RARA: variants seen among roughly 807,000 people sequenced by gnomAD.
RARA encodes PML-DDX5-RARA fusion.
In RARA, 5 loss-of-function variants were observed where a neutral mutation model predicts 42.8. That is an observed-to-expected ratio of 0.12 (90% CI 0.06 to 0.25). The LOEUF (loss-of-function observed/expected upper bound fraction) is 0.25. Among genes scored for constraint, RARA ranks in the 10% least tolerant of loss-of-function variants. RARA has a pLI of 1.00. For missense variants in RARA, 402 were observed against 628.7 expected (o/e 0.64, Z 3.86); for synonymous variants, 256 against 259.5 (o/e 0.99, Z 0.13).
At chr17:40,309,600 C>G (rs1247977803) in intron 1 of RARA, among the ~76,000 whole-genome samples, 2 of 152,200 alleles carry the variant, frequency 1.3e-5, no homozygotes, top group Non-Finnish European at 2.9e-5. Flanking sequence ...GCCTAATACC[C>G]CTTCCCCCAC....
At position 40,354,832 on chromosome 17, in the gene RARA, C is replaced by T. The variant is rs2143533429; in HGVS notation, c.1012+326C>T. Among the ~76,000 whole-genome samples, 1 of 152,304 alleles carries T rather than the reference C, an allele frequency of 6.6e-6. No homozygotes were observed. The highest frequency in any genetic ancestry group is 2.1e-4 in the South Asian group (1 of 4,822). On this transcript the variant is annotated intron_variant, in intron 7 of 8. Transcript: ENST00000254066. The surrounding 1 kb of genome is among the most constrained non-coding windows in gnomAD (Gnocchi z 4.5). ...GTGGGGGCGGTAACGGTCTCTAGCT[C>T]ATGAAGTTGATGGGAGGATTACGGT...
chr17:40,353,693 T>C (rs1007005681), intron 6 of RARA, among the ~76,000 whole-genome samples: 2 of 152,146 alleles, frequency 1.3e-5, no homozygotes, highest in African/African-American at 4.8e-5. Flanking sequence ...TGACCTCAGG[T>C]GATCCTCCCG....
intron 2 of RARA, chr17:40,342,730 G>A (rs778093184): frequency 4.0e-5 from 64 of 1,612,498 alleles, no homozygotes; most frequent in South Asian, 2.0e-4. Flanking sequence ...GAAGTGGGGG[G>A]TCCCACCCCT....
At chr17:40,341,792 G>C in intron 2 of RARA, 1 of 1,260,420 alleles carries the variant, frequency 7.9e-7, no homozygotes, top group Non-Finnish European at 1.0e-6. Context: ...CGCTCGGCCA[G>C]GGACTGACCA....
intron 1 of RARA, chr17:40,318,146 T>C (rs1407628792): frequency 6.6e-6 from 1 of 152,210 alleles, no homozygotes; most frequent in African/African-American, 2.4e-5. Context: ...CGTGAGCCTG[T>C]AGATCCGCCC....
Position 40,320,008 on chromosome 17 carries a change from T to C in RARA, c.-363+10722T>C, listed in dbSNP as rs1026477744. On this transcript the variant is annotated intron_variant, in intron 1 of 8. Coordinates refer to ENST00000254066, the MANE Select transcript of RARA (RefSeq NM_000964.4). This position sits in a 1 kb window ranked among gnomAD's most constrained non-coding sequence, Gnocchi z 4.1. ...CAGTACTGCCTGGGAGTCTGGACCATGTGGTGTCCTGAAAGAGAGGTCAGG... is the reference window on the plus strand; with the variant it reads ...CAGTACTGCCTGGGAGTCTGGACCACGTGGTGTCCTGAAAGAGAGGTCAGG... 3.3e-5 allele frequency among the ~76,000 whole-genome samples: 5 copies of C among 152,042 alleles called. No individual in the cohort carries two copies. The highest frequency in any genetic ancestry group is 4.8e-5 in the African/African-American group (2 of 41,384).
chr17:40,348,577 T>C, intron 3 of RARA, 113 bp downstream of exon 3: 1 of 1,364,338 alleles, frequency 7.3e-7, no homozygotes. Flanking sequence ...GCTGCTCTTC[T>C]TTCTCTGTGG....
At chr17:40,316,579 G>A (rs1439056517) in intron 1 of RARA, among the ~76,000 whole-genome samples, 2 of 152,224 alleles carry the variant, frequency 1.3e-5, no homozygotes, top group African/African-American at 4.8e-5. Context: ...AGACAGGTAG[G>A]ATCTAGGTTG....
At position 40,354,246 on chromosome 17, in the gene RARA, A is replaced by C. The variant is rs768091979; in HGVS notation, c.808-56A>C. The C allele has an allele frequency of 3.5e-4, 538 of 1,550,626 alleles. No homozygotes were observed. Among genetic ancestry groups the C allele is most frequent in the Non-Finnish European group, 4.4e-4 (499 of 1,129,384 alleles). On this transcript the variant is annotated intron_variant, in intron 6 of 8. Transcript: ENST00000254066. The surrounding 1 kb of genome is among the most constrained non-coding windows in gnomAD (Gnocchi z 4.5). Reference sequence around the variant, plus strand: ...GTGCTGGTGCGGAGTGCTGGTGCCGAGTGCTCAGAGTGGGTTCGGGTTCAG... The same window carrying C: ...GTGCTGGTGCGGAGTGCTGGTGCCGCGTGCTCAGAGTGGGTTCGGGTTCAG...
intron 2 of RARA, among the ~76,000 whole-genome samples, chr17:40,346,480 C>G (rs2034269339): frequency 6.6e-6 from 1 of 151,578 alleles, no homozygotes; most frequent in South Asian, 2.1e-4. Context: ...CATGGTCCCC[C>G]CAACCCTCCA....
At chr17:40,350,951 G>T (rs560759511) in intron 4 of RARA, among the ~76,000 whole-genome samples, 5 of 151,946 alleles carry the variant, frequency 3.3e-5, no homozygotes, top group Non-Finnish European at 7.4e-5. Context: ...GACCAGGGAG[G>T]GGACCCCTTC....
At chr17:40,321,592 G>A (rs1166540929) in intron 1 of RARA, among the ~76,000 whole-genome samples, 1 of 152,160 alleles carries the variant, frequency 6.6e-6, no homozygotes, top group Non-Finnish European at 1.5e-5. Flanking sequence ...TTATGGAAAG[G>A]CCATGGGCTG....
chr17:40,351,893 C>T lies in RARA; in HGVS notation c.470-17C>T, dbSNP rs1379371985. On this transcript the variant is annotated splice_polypyrimidine_tract_variant and intron_variant, in intron 4 of 8. Transcript: ENST00000254066. This position sits in a 1 kb window ranked among gnomAD's most constrained non-coding sequence, Gnocchi z 4.1. ...GCAGCCTGCAGCTGCCCTCTTAACCCCCTCTGCCCTCCACAGCTGTGAGAA... is the reference window on the plus strand; with the variant it reads ...GCAGCCTGCAGCTGCCCTCTTAACCTCCTCTGCCCTCCACAGCTGTGAGAA... 1 of 1,602,840 alleles carries T rather than the reference C, an allele frequency of 6.2e-7. No individual in the cohort carries two copies. Among genetic ancestry groups the T allele is most frequent in the Admixed American group, 1.8e-5 (1 of 55,818 alleles).
At position 40,331,099 on chromosome 17, in the gene RARA, T is replaced by G. The variant is rs1598550360; in HGVS notation, c.-120T>G. The G allele has an allele frequency of 5.1e-6, 6 of 1,186,912 alleles. No homozygotes were observed. Among genetic ancestry groups the G allele is most frequent in the East Asian group, 2.5e-5 (1 of 40,074 alleles). 73.5% of individuals were successfully genotyped at this position (1,186,912 alleles called of 1,614,324 possible). On this transcript the variant is annotated 5_prime_UTR_variant, in exon 2 of 9. Transcript: ENST00000254066. ...GACAGCAGCTCCAGGACAGGGCGGG[T>G]GGGCTGACCACCCAAACCCCATCTG...
At chr17:40,317,598 G>A (rs1182692288) in intron 1 of RARA, among the ~76,000 whole-genome samples, 1 of 152,080 alleles carries the variant, frequency 6.6e-6, no homozygotes, top group Non-Finnish European at 1.5e-5. Context: ...TAAGGGGGCT[G>A]GGAGGGTTGG....
rs372121923 is a variant in RARA, at chr17:40,342,897, T to C, written c.179-5419T>C. On this transcript the variant is annotated intron_variant, in intron 2 of 8. Coordinates refer to ENST00000254066, the MANE Select transcript of RARA (RefSeq NM_000964.4). ...GTACCGGCCTCTCAGTCTGCTGTTG[T>C]AGGGGGTGGGAGTGGGCGGTAGGGC... The C allele has an allele frequency of 8.8e-6, 14 of 1,597,544 alleles. No homozygotes were observed. The African/African-American group carries it at 1.5e-4, about 17-fold the overall frequency.
Position 40,356,073 on chromosome 17 carries a change from A to G in RARA, c.1236A>G (p.Glu412=), listed in dbSNP as rs1273041317. ...IPGSMPPLIQ[E]MLENSEGLDT... is the part of the protein sequence containing the mutation. ...GCTCCATGCCGCCTCTCATCCAGGA[A>G]ATGTTGGAGAACTCAGAGGGCCTGG... The change falls in exon 9 of 9, where the codon GAA becomes GAG. Residue 412 remains glutamate, a synonymous_variant. Coordinates refer to ENST00000254066, the MANE Select transcript of RARA (RefSeq NM_000964.4). The G allele has an allele frequency of 2.0e-6, 3 of 1,502,038 alleles. No homozygotes were observed. The highest frequency in any genetic ancestry group is 2.7e-6 in the Non-Finnish European group (3 of 1,113,502). The allele number at this position is 1,502,038 out of a possible 1,614,324, so 93.0% of individuals were successfully genotyped here.
At chr17:40,333,633 G>C (rs945617971) in intron 2 of RARA, among the ~76,000 whole-genome samples, 2 of 150,488 alleles carry the variant, frequency 1.3e-5, no homozygotes, top group Admixed American at 1.3e-4. Context: ...ACTGTGCCTG[G>C]CTTTCTTTCT....
chr17:40,357,271 C>G lies in RARA; in HGVS notation c.*1045C>G, dbSNP rs900980699. On this transcript the variant is annotated 3_prime_UTR_variant, in exon 9 of 9. Coordinates refer to ENST00000254066, the MANE Select transcript of RARA (RefSeq NM_000964.4). ...GCTGGCCAGGGGCCCGAGCTGCCCC[C>G]ACCCCCGGCCTCAGCCACCAGCACC... 1 of 236,516 alleles carries G rather than the reference C, an allele frequency of 4.2e-6. No homozygotes were observed. The highest frequency in any genetic ancestry group is 8.3e-6 in the Non-Finnish European group (1 of 120,214). 14.7% of individuals were successfully genotyped at this position (236,516 alleles called of 1,614,324 possible).
Sources: gnomAD v4.1 joint callset for allele counts (sites outside exome capture counted in the v4.1 genomes callset) on GRCh38, gnomAD v4.1.1 for gene constraint, Gnocchi (gnomAD v3.1) non-coding constraint, MANE v1.5 for transcripts, NCBI Gene and HGNC (gene_info 2026-07-23, HGNC 2026-07-21) for gene names.